Variants in STK3 observed in about 807,000 individuals in gnomAD.
The protein encoded by STK3 is serine/threonine-protein kinase 3.
STK3 carries 41 observed loss-of-function variants against 58.0 expected under a neutral mutation model. The observed-to-expected ratio is 0.71, with a 90% CI of 0.55 to 0.92. STK3 has a LOEUF of 0.92. Ranked by LOEUF, STK3 falls within the 40% of genes least tolerant of loss-of-function variation. STK3 has a pLI of 0.00. For missense variants in STK3, 479 were observed against 602.7 expected (o/e 0.79, Z 2.15); for synonymous variants, 170 against 191.0 (o/e 0.89, Z 0.91).
At chr8:98,667,377 G>T (rs1246474195) in intron 6 of STK3, among the ~76,000 whole-genome samples, 2 of 152,098 alleles carry the variant, frequency 1.3e-5, no homozygotes, top group Non-Finnish European at 2.9e-5. Context: ...GAAAACAGGT[G>T]TCATCAAATT....
At chr8:98,458,617 C>T (rs766392183) in intron 10 of STK3, among the ~76,000 whole-genome samples, 36 of 152,274 alleles carry the variant, frequency 2.4e-4, no homozygotes, top group Middle Eastern at 6.8e-3. Flanking sequence ...TTGTAATCCT[C>T]ATAATCCCCA....
intron 3 of STK3, among the ~76,000 whole-genome samples, chr8:98,851,401 G>T (rs974425018): frequency 1.3e-5 from 2 of 152,176 alleles, no homozygotes; most frequent in Non-Finnish European, 2.9e-5. Context: ...GACAGAGGTT[G>T]CAGAGTCAGA....
At chr8:98,546,126 A>G (rs16897076) in intron 9 of STK3, among the ~76,000 whole-genome samples, 52,395 of 152,028 alleles carry the variant, frequency 0.34, 9,830 homozygotes, top group Admixed American at 0.49. Flanking sequence ...AGCTATAAAA[A>G]CCACTTATCT....
intron 1 of STK3, among the ~76,000 whole-genome samples, chr8:98,384,007 A>T (rs1320522920): frequency 6.6e-6 from 1 of 152,252 alleles, no homozygotes; most frequent in Non-Finnish European, 1.5e-5. Flanking sequence ...ACACATTCAC[A>T]TGTGGCTTGG....
chr8:98,893,486 G>A (rs796332482), intron 1 of STK3, among the ~76,000 whole-genome samples: 728 of 42,354 alleles, frequency 0.017, 2 homozygotes, highest in Non-Finnish European at 0.019. Context: ...AAGAAAGAAA[G>A]AGAAAGAAAG....
intron 10 of STK3, among the ~76,000 whole-genome samples, chr8:98,512,510 T>C (rs1190595810): frequency 1.3e-5 from 2 of 152,214 alleles, no homozygotes. Context: ...ATGTGCCACA[T>C]GTGAGCAGTA....
intron 3 of STK3, among the ~76,000 whole-genome samples, chr8:98,836,131 G>T (rs1391996241): frequency 6.6e-6 from 1 of 152,050 alleles, no homozygotes; most frequent in Non-Finnish European, 1.5e-5. Flanking sequence ...AACCCAGGAG[G>T]CAGAGGTTGC....
At chr8:98,839,049 T>TG (rs34154680) in intron 3 of STK3, among the ~76,000 whole-genome samples, 313 of 148,162 alleles carry the variant, frequency 2.1e-3, no homozygotes, top group African/African-American at 5.8e-3. Flanking sequence ...GTTTGATTTT[T>TG]GGGGGGGGGC....
chr8:98,400,804 C>A (rs898256176), downstream of STK3, among the ~76,000 whole-genome samples: 2 of 151,838 alleles, frequency 1.3e-5, no homozygotes, highest in Non-Finnish European at 2.9e-5. Context: ...GTTGTTTTTT[C>A]CTGATTGTAA....
rs538810316 is a variant in STK3 at position 98,783,541 on chromosome 8, T to C, written c.27-8722A>G. On this transcript the variant is annotated intron_variant, in intron 1 of 10. Transcript: ENST00000419617. Reference sequence around the variant, plus strand: ...ATCTTGCCTCTATGTTGATAGCTTCTGCCTGATCAGGGTGGTGGTTGCAAA... The same window carrying C: ...ATCTTGCCTCTATGTTGATAGCTTCCGCCTGATCAGGGTGGTGGTTGCAAA... Among the ~76,000 whole-genome samples the C allele has an allele frequency of 2.0e-5, 3 of 152,352 alleles. No homozygotes were observed. The South Asian group carries it at 6.2e-4, about 32-fold the overall frequency.
chr8:98,918,587 T>C (rs1423651809), intron 1 of STK3, among the ~76,000 whole-genome samples: 1 of 151,886 alleles, frequency 6.6e-6, no homozygotes, highest in Non-Finnish European at 1.5e-5. Context: ...CTGAGCAACA[T>C]AGCAAGACCC....
intron 4 of STK3, among the ~76,000 whole-genome samples, chr8:98,715,198 A>T (rs1246281622): frequency 1.3e-5 from 2 of 152,290 alleles, no homozygotes; most frequent in South Asian, 4.1e-4. Flanking sequence ...AACCTAGGCA[A>T]TACCATTCAG....
chr8:98,860,812 T>C (rs1325649694), intron 3 of STK3, among the ~76,000 whole-genome samples: 1 of 152,062 alleles, frequency 6.6e-6, no homozygotes, highest in Non-Finnish European at 1.5e-5. Flanking sequence ...CCCAACACTT[T>C]AGGAGGCCGA....
At chr8:98,712,172 C>A (rs953512677) in intron 4 of STK3, among the ~76,000 whole-genome samples, 15 of 152,184 alleles carry the variant, frequency 9.9e-5, no homozygotes, top group Admixed American at 2.0e-4. Flanking sequence ...CCAGCCACTG[C>A]AAAAACATGC....
intron 1 of STK3, among the ~76,000 whole-genome samples, chr8:98,931,470 T>C (rs1177044109): frequency 6.6e-6 from 1 of 152,158 alleles, no homozygotes; most frequent in African/African-American, 2.4e-5. Flanking sequence ...GCCTGATCCC[T>C]CATGCACATA....
intron 3 of STK3, among the ~76,000 whole-genome samples, chr8:98,751,301 G>C (rs1829966094): frequency 6.6e-6 from 1 of 152,180 alleles, no homozygotes; most frequent in South Asian, 2.1e-4. Flanking sequence ...AATAGGAAGA[G>C]AGGAAGTCAA....
intron 1 of STK3, chr8:98,437,236 G>C (rs1469202498): frequency 3.9e-5 from 6 of 152,318 alleles, no homozygotes; most frequent in African/African-American, 1.4e-4. Context: ...ATTTAGGAAG[G>C]AGTTGCCTTT....
intron 1 of STK3, chr8:98,904,645 C>A: frequency 1.6e-6 from 1 of 627,564 alleles, no homozygotes. Flanking sequence ...CCCGTTCATA[C>A]CGGGCCATGT....
chr8:98,828,037 T>C (rs554114456), upstream of STK3, among the ~76,000 whole-genome samples: 1 of 151,604 alleles, frequency 6.6e-6, no homozygotes, highest in East Asian at 1.9e-4. Context: ...TGCAATGCCG[T>C]GATCTCAGGT....
Sources: gnomAD v4.1 joint callset for allele counts (sites outside exome capture counted in the v4.1 genomes callset) on GRCh38, gnomAD v4.1.1 for gene constraint, MANE v1.5 for transcripts, NCBI Gene and HGNC (gene_info 2026-07-23, HGNC 2026-07-21) for gene names.